TRAK1: variants seen among roughly 807,000 people sequenced by gnomAD.
TRAK1 encodes trafficking kinesin protein 1, also known as trafficking kinesin-binding protein 1.
In TRAK1, 33 loss-of-function variants were observed where a neutral mutation model predicts 92.1. That is an observed-to-expected ratio of 0.36 (90% CI 0.27 to 0.48). The LOEUF is 0.48. TRAK1 is among the 20% of genes least tolerant of loss of function. The probability of loss-of-function intolerance (pLI) is 0.99; values close to 1 mark genes in which losing one functional copy is unlikely to be tolerated. For synonymous variants in TRAK1, 521 were observed against 517.3 expected (o/e 1.01, Z -0.10); for missense variants, 1,123 against 1,257.9 (o/e 0.89, Z 1.62).
intron 1 of TRAK1, among the ~76,000 whole-genome samples, chr3:42,073,895 C>T (rs1158180967): frequency 1.3e-5 from 2 of 152,150 alleles, no homozygotes; most frequent in East Asian, 3.8e-4. Flanking sequence ...CAACTTGACC[C>T]CGGAGTTCAG....
upstream of TRAK1, among the ~76,000 whole-genome samples, chr3:42,083,764 A>G (rs957563540): frequency 6.6e-6 from 1 of 152,096 alleles, no homozygotes; most frequent in African/African-American, 2.4e-5. Context: ...AGTCTCAGCT[A>G]CAGGCTAAGG....
At chr3:42,093,016 T>C (rs1363459366) in intron 1 of TRAK1, among the ~76,000 whole-genome samples, 3 of 152,196 alleles carry the variant, frequency 2.0e-5, no homozygotes, top group Non-Finnish European at 4.4e-5. Context: ...CCTTGTCAAT[T>C]TCTCTCTAGT....
At chr3:42,176,777 A>G (rs1003069487) in intron 2 of TRAK1, 37 bp from the exon 3 acceptor site, 1 of 1,586,716 alleles carries the variant, frequency 6.3e-7, no homozygotes. Context: ...CAGGTTTGTG[A>G]CATTGGGAGT....
intron 1 of TRAK1, among the ~76,000 whole-genome samples, chr3:42,073,312 G>T (rs1475584299): frequency 6.6e-6 from 1 of 152,250 alleles, no homozygotes; most frequent in South Asian, 2.1e-4. Context: ...CTGTCGGCTC[G>T]TCTAAATCTT....
At chr3:42,110,034 G>A (rs1034841294) in intron 1 of TRAK1, among the ~76,000 whole-genome samples, 10 of 135,946 alleles carry the variant, frequency 7.4e-5, no homozygotes, top group African/African-American at 2.7e-5. Context: ...ACACCAACAT[G>A]GCACATGTAT....
intron 2 of TRAK1, among the ~76,000 whole-genome samples, chr3:42,172,995 A>G (rs1702757882): frequency 6.6e-6 from 1 of 152,048 alleles, no homozygotes; most frequent in African/African-American, 2.4e-5. Flanking sequence ...AAAATACACT[A>G]ATTAGCTGGG....
In TRAK1 at chr3:42,128,869, T is replaced by C. The variant is rs193097911; in HGVS notation, c.286+3255T>C. ...TAGAGCTGTTTTGTTATAGGTGAAATGGACGTGTGGAAGGCTGAGTGTTGT... is the reference window on the plus strand; with the variant it reads ...TAGAGCTGTTTTGTTATAGGTGAAACGGACGTGTGGAAGGCTGAGTGTTGT... On this transcript the variant is annotated intron_variant, in intron 2 of 15. Coordinates refer to ENST00000327628, the MANE Select transcript of TRAK1 (RefSeq NM_001042646.3). Among the ~76,000 whole-genome samples, 18 of 152,346 alleles carry C rather than the reference T, an allele frequency of 1.2e-4. No individual in the cohort carries two copies. The East Asian group carries it at 3.5e-3, about 29-fold the overall frequency.
chr3:42,168,247 T>C (rs1361459910), intron 2 of TRAK1, among the ~76,000 whole-genome samples: 1 of 152,224 alleles, frequency 6.6e-6, no homozygotes, highest in African/African-American at 2.4e-5. Context: ...ATTTGCCATT[T>C]CTAAACAATT....
Position 42,079,141 on chromosome 3 carries a change from C to T in TRAK1, c.-518-7963C>T, listed in dbSNP as rs79402167. The stretch of plus-strand genomic sequence containing the variant: ...GATTTCCAATATATGGAACTGTGAT[C>T]GGATAAATGGCTATTATTTCAAGCC... On this transcript the variant is annotated intron_variant, in intron 1 of 16. Coordinates refer to the TRAK1 transcript ENST00000487159. Among the ~76,000 whole-genome samples, 472 of 152,240 alleles carry T rather than the reference C, an allele frequency of 3.1e-3. 2 individuals are homozygous for T. Among genetic ancestry groups the T allele is most frequent in the Non-Finnish European group, 5.3e-3 (363 of 68,016 alleles).
At chr3:42,200,765 T>A in intron 11 of TRAK1, 53 bp from the exon 12 acceptor site, 1 of 1,591,314 alleles carries the variant, frequency 6.3e-7, no homozygotes, top group South Asian at 1.1e-5. Context: ...AGGGTTAAAC[T>A]CCAGGGTTGT....
Position 42,189,116 on chromosome 3 carries a change from C to A in TRAK1, c.682C>A (p.Arg228=), listed in dbSNP as rs1705305892. Residue 228 remains arginine, a synonymous_variant, in exon 6 of 16, where the codon CGA becomes AGA. Coordinates refer to ENST00000327628, the MANE Select transcript of TRAK1 (RefSeq NM_001042646.3). ...KDLEEENVVL[R]SEASQLKTET... ...CCTTGAAGAGGAGAATGTTGTACTT[C>A]GATCCGAGGTGATGTGCCCTCCCTT... is the stretch of plus-strand genomic sequence containing the variant. 12 of 1,612,600 alleles carry A rather than the reference C, an allele frequency of 7.4e-6. No individual in the cohort carries two copies. The highest frequency in any genetic ancestry group is 1.7e-5 in the Admixed American group (1 of 59,998).
At chr3:42,067,080 C>T (rs761151680) in intron 1 of TRAK1, among the ~76,000 whole-genome samples, 5 of 152,076 alleles carry the variant, frequency 3.3e-5, no homozygotes, top group Non-Finnish European at 7.4e-5. Flanking sequence ...CTGTCGTTTC[C>T]CAGATGTGTG....
intron 1 of TRAK1, among the ~76,000 whole-genome samples, chr3:42,101,602 AG>A (rs1357346117): frequency 2.6e-5 from 4 of 152,250 alleles, no homozygotes; most frequent in Non-Finnish European, 5.9e-5. Flanking sequence ...TTAGGTTTGC[AG>A]GTCAGAAGGT....
At position 42,035,742 on chromosome 3, in the gene TRAK1, G is replaced by A. The variant is rs575419518; in HGVS notation, c.-519+21625G>A. On this transcript the variant is annotated intron_variant, in intron 1 of 16. Coordinates refer to the TRAK1 transcript ENST00000487159. ...TCCCCTGCTTAAAATCAGTTCGGGA[G>A]CTCCCCATGGGGCAAAAGAGGCTGC... 5.9e-5 allele frequency among the ~76,000 whole-genome samples: 9 copies of A among 152,312 alleles called. No individual in the cohort carries two copies. The South Asian group carries it at 1.7e-3, about 28-fold the overall frequency.
intron 1 of TRAK1, among the ~76,000 whole-genome samples, chr3:42,047,925 T>TTC (rs1553704542): frequency 2.7e-5 from 4 of 148,768 alleles, no homozygotes; most frequent in Non-Finnish European, 6.0e-5. Context: ...TTCTTTTCTT[T>TTC]TTTTTTTTTT....
chr3:42,161,576 G>T (rs1196057667), intron 2 of TRAK1, among the ~76,000 whole-genome samples: 1 of 152,142 alleles, frequency 6.6e-6, no homozygotes, highest in East Asian at 1.9e-4. Flanking sequence ...GGTAGAGACA[G>T]GATCTCACTA....
At chr3:42,026,681 C>T (rs1171972204) in intron 1 of TRAK1, among the ~76,000 whole-genome samples, 17 of 152,056 alleles carry the variant, frequency 1.1e-4, no homozygotes, top group African/African-American at 3.1e-4. Context: ...CGTGCCACCA[C>T]GCCTGGCTAA....
chr3:42,134,262 C>G (rs1697632167), intron 2 of TRAK1, among the ~76,000 whole-genome samples: 1 of 144,500 alleles, frequency 6.9e-6, no homozygotes, highest in South Asian at 2.3e-4. Context: ...TCCTTTCTTC[C>G]TTACCTTTCC....
intron 1 of TRAK1, among the ~76,000 whole-genome samples, chr3:42,061,966 C>A (rs775102044): frequency 3.9e-5 from 6 of 152,230 alleles, no homozygotes; most frequent in Non-Finnish European, 5.9e-5. Flanking sequence ...CTGACGCCAT[C>A]CCTCCAGAAT....
Sources: allele counts gnomAD v4.1 joint callset (sites outside exome capture counted in the v4.1 genomes callset), GRCh38; gene constraint gnomAD v4.1.1; transcripts MANE v1.5; gene names NCBI Gene and HGNC (gene_info 2026-07-23, HGNC 2026-07-21).